Variants in SLC6A8 observed in about 807,000 individuals in gnomAD.
SLC6A8 encodes the protein solute carrier family 6 member 8.
A neutral mutation model predicts 48.3 loss-of-function variants in SLC6A8; 6 were observed. The ratio of observed to expected loss-of-function variants is 0.12; its 90% CI spans 0.07 to 0.25. The LOEUF (loss-of-function observed/expected upper bound fraction) is 0.25, where lower values mean the gene tolerates loss of function less well. SLC6A8 is among the 10% of genes least tolerant of loss of function. The pLI, the probability that SLC6A8 is intolerant of heterozygous loss-of-function variation, is 1.00. For synonymous variants in SLC6A8, 245 were observed against 244.0 expected (o/e 1.00, Z -0.04); for missense variants, 260 against 551.5 (o/e 0.47, Z 5.29).
intron 2 of SLC6A8, chrX:153,690,901 C>CG (rs1173504615): frequency 1.0e-4 from 25 of 241,004 alleles, no homozygotes; most frequent in Admixed American, 5.2e-4. Context: ...AACCCCCCCC[C>CG]CCCACCACCA....
At chrX:153,690,793 C>G in intron 2 of SLC6A8, 2 of 343,024 alleles carry the variant, frequency 5.8e-6, no homozygotes, top group Non-Finnish European at 1.0e-5. Context: ...CCTACTGTTA[C>G]TATCCCCAAG....
Position 153,696,265 on chromosome X carries a change from G to A in SLC6A8, c.*1051G>A. The A allele has an allele frequency of 3.3e-6, 1 of 299,690 alleles. No individual in the cohort carries two copies. The allele number at this position is 299,690 out of a possible 1,213,427, so 24.7% of individuals were successfully genotyped here. On this transcript the variant is annotated 3_prime_UTR_variant, in exon 13 of 13. Coordinates refer to ENST00000253122, the MANE Select transcript of SLC6A8 (RefSeq NM_005629.4). ...GAGGCTGCAATATTCCGTCCTGGGTGTCTGGGCTGCTAACCTGGCCTGCTC... is the reference window on the plus strand; with the variant it reads ...GAGGCTGCAATATTCCGTCCTGGGTATCTGGGCTGCTAACCTGGCCTGCTC...
chrX:153,691,255 G>A (rs2091454595), intron 2 of SLC6A8, 49 bp from the exon 3 acceptor site: 2 of 1,161,789 alleles, frequency 1.7e-6, no homozygotes, highest in Non-Finnish European at 2.3e-6. Flanking sequence ...GGGTGGCAGG[G>A]GGAGGTGGCC....
chrX:153,696,475 C>T lies in SLC6A8; in HGVS notation c.*1261C>T. The T allele has an allele frequency of 3.0e-6, 1 of 331,834 alleles. No individual in the cohort carries two copies. The highest frequency in any genetic ancestry group is 5.9e-6 in the Non-Finnish European group (1 of 170,066). 27.3% of individuals were successfully genotyped at this position (331,834 alleles called of 1,213,427 possible). A position where few individuals can be genotyped will look rare whatever the true frequency, so the allele number is the denominator to read the frequency against. On this transcript the variant is annotated 3_prime_UTR_variant, in exon 13 of 13. Coordinates refer to ENST00000253122, the MANE Select transcript of SLC6A8 (RefSeq NM_005629.4). ...GACCCCAAGAAAGGCTTCCCCGACA[C>T]CCAGACAGAGGCTGCAGGGCTGGGG...
At chrX:153,690,667 T>C in intron 2 of SLC6A8, 161 bp downstream of exon 2, 1 of 595,319 alleles carries the variant, frequency 1.7e-6, no homozygotes, top group Non-Finnish European at 2.7e-6. Context: ...CACAGCGAAC[T>C]TGGGGAAGCG....
At chrX:153,690,900 C>CCA (rs1557044315) in intron 2 of SLC6A8, 3 of 240,271 alleles carry the variant, frequency 1.2e-5, no homozygotes, top group African/African-American at 3.4e-5. Context: ...AAACCCCCCC[C>CCA]CCCCACCACC....
In SLC6A8 at chrX:153,693,522, C is replaced by T. The variant is rs782477560; in HGVS notation, c.1077C>T (p.Val359=). The T allele has an allele frequency of 1.7e-6, 2 of 1,210,385 alleles. No individual in the cohort carries two copies. Among genetic ancestry groups the T allele is most frequent in the East Asian group, 5.9e-5 (2 of 33,839 alleles). Residue 359 remains valine, a synonymous_variant, in exon 7 of 13, where the codon GTC becomes GTT. Transcript: ENST00000253122. The stretch of plus-strand genomic sequence containing the variant: ...CCAGCTTCTTTGCTGGCTTCGTGGT[C>T]TTCTCCATCCTGGGCTTCATGGCTG... ...SGTSFFAGFV[V]FSILGFMAAE... is the part of the protein sequence containing the mutation.
rs371905179 is a variant in SLC6A8, at chrX:153,693,376, G to T, written c.1016+10G>T. The T allele has an allele frequency of 5.8e-6, 7 of 1,204,239 alleles. No individual in the cohort carries two copies. The African/African-American group carries it at 1.2e-4, about 21-fold the overall frequency. ...ACAACAACTGCTACAAGTAAGCACCGCCGCCCTGCCACCCGTGCCCTGTCC... is the reference window on the plus strand; with the variant it reads ...ACAACAACTGCTACAAGTAAGCACCTCCGCCCTGCCACCCGTGCCCTGTCC... On this transcript the variant is annotated intron_variant, in intron 6 of 12. Coordinates refer to ENST00000253122, the MANE Select transcript of SLC6A8 (RefSeq NM_005629.4).
chrX:153,691,889 G>C (rs1460822933), intron 3 of SLC6A8, 86 bp from the exon 4 acceptor site: 22 of 1,057,641 alleles, frequency 2.1e-5, no homozygotes, highest in African/African-American at 3.7e-5. Context: ...CTGTGGGAGA[G>C]AAGGGAGCCA....
chrX:153,694,754 G>C lies in SLC6A8; in HGVS notation c.1632G>C (p.Pro544=), dbSNP rs782393373. The change falls in exon 12 of 13, where the codon CCG becomes CCC. Residue 544 remains proline, a synonymous_variant. Transcript: ENST00000253122. ...TCTTCAACGTTGTGTACTACGAGCC[G>C]CTGGTCTACAACAACACCTACGTGT... ...IFIFNVVYYE[P]LVYNNTYVYP... 3 of 1,209,750 alleles carry C rather than the reference G, an allele frequency of 2.5e-6. No homozygotes were observed. The highest frequency in any genetic ancestry group is 3.4e-6 in the Non-Finnish European group (3 of 894,978).
intron 1 of SLC6A8, among the ~76,000 whole-genome samples, chrX:153,689,800 G>A (rs1603213936): frequency 8.9e-6 from 1 of 111,786 alleles, no homozygotes; most frequent in Non-Finnish European, 1.9e-5. Flanking sequence ...CCCTGGCCTT[G>A]CTAAGGCCGG....
intron 2 of SLC6A8, chrX:153,690,828 G>C (rs1249037821): frequency 6.8e-6 from 2 of 293,482 alleles, no homozygotes; most frequent in Non-Finnish European, 1.2e-5. Context: ...GACAGGTGGA[G>C]CGACGTACTG....
rs782234897 is a variant in SLC6A8, at chrX:153,690,328, G to C, written c.263-47G>C. On this transcript the variant is annotated intron_variant, in intron 1 of 12. Coordinates refer to ENST00000253122, the MANE Select transcript of SLC6A8 (RefSeq NM_005629.4). ...TGGGCTGGCCCGCTGGGCCTGGGCAGCCTGGCTGGGGGCCACCCTGAGTCC... is the reference window on the plus strand; with the variant it reads ...TGGGCTGGCCCGCTGGGCCTGGGCACCCTGGCTGGGGGCCACCCTGAGTCC... 5 of 1,173,001 alleles carry C rather than the reference G, an allele frequency of 4.3e-6. No homozygotes were observed. The Admixed American group carries it at 9.8e-5, about 23-fold the overall frequency.
chrX:153,693,811 C>T (rs1235919572), intron 7 of SLC6A8, 94 bp from the exon 8 acceptor site: 17 of 840,729 alleles, frequency 2.0e-5, no homozygotes, highest in Admixed American at 1.0e-4. Context: ...CTGAGGCAGG[C>T]GTGGGCATGG....
At chrX:153,693,820 G>C in intron 7 of SLC6A8, 85 bp from the exon 8 acceptor site, 1 of 872,016 alleles carries the variant, frequency 1.1e-6, no homozygotes, top group Non-Finnish European at 1.7e-6. Flanking sequence ...GCGTGGGCAT[G>C]GGCGCGAGTG....
rs1557043713 is a variant in SLC6A8, at chrX:153,688,580, G to A, written c.6G>A (p.Ala2=). The part of the protein sequence containing the change: M[A]KKSAENGIYS... ...CCGTGCGGCCCGCCGAGGCCATGGCGAAGAAGAGCGCCGAGAACGGCATCT... is the reference window on the plus strand; with the variant it reads ...CCGTGCGGCCCGCCGAGGCCATGGCAAAGAAGAGCGCCGAGAACGGCATCT... The change falls in exon 1 of 13, where the codon GCG becomes GCA. Residue 2 remains alanine (A), a synonymous_variant. Transcript: ENST00000253122. 4.8e-6 allele frequency: 5 copies of A among 1,032,024 alleles called. No homozygotes were observed. The highest frequency in any genetic ancestry group is 5.0e-6 in the Non-Finnish European group (4 of 800,498). The allele number at this position is 1,032,024 out of a possible 1,213,427, so 85.1% of individuals were successfully genotyped here.
intron 4 of SLC6A8, chrX:153,692,660 G>A: frequency 5.7e-6 from 2 of 349,410 alleles, no homozygotes; most frequent in Non-Finnish European, 1.1e-5. Context: ...TCCAGAAGAG[G>A]AGGGGGACCC....
At position 153,688,666 on chromosome X, in the gene SLC6A8, C is replaced by G. The variant is rs868950793; in HGVS notation, c.92C>G (p.Pro31Arg). The G allele has an allele frequency of 1.8e-5, 19 of 1,077,205 alleles. No individual in the cohort carries two copies. Among genetic ancestry groups the G allele is most frequent in the Non-Finnish European group, 2.2e-5 (18 of 827,446 alleles). 88.8% of individuals were successfully genotyped at this position (1,077,205 alleles called of 1,213,427 possible). A position where few individuals can be genotyped will look rare whatever the true frequency, so the allele number is the denominator to read the frequency against. Reference protein sequence around the residue: ...PLIAPGPDGAPAKGDGPVGLG... With the variant: ...PLIAPGPDGARAKGDGPVGLG... ...ATCGCGCCCGGGCCCGACGGGGCCC[C>G]GGCCAAGGGCGACGGCCCCGTGGGC... Residue 31 changes from proline to arginine, a missense_variant, in exon 1 of 13, where the codon CCG becomes CGG. Coordinates refer to ENST00000253122, the MANE Select transcript of SLC6A8 (RefSeq NM_005629.4).
chrX:153,695,061 T>C lies in SLC6A8; in HGVS notation c.1768-13T>C, dbSNP rs1252539867. On this transcript the variant is annotated splice_polypyrimidine_tract_variant and intron_variant, in intron 12 of 12. Transcript: ENST00000253122. ...TGACCCTGGGGGCTTCAGCATGTCC[T>C]CCTCTCCTGCAGCGCTGGCAGCACC... 1 of 1,196,127 alleles carries C rather than the reference T, an allele frequency of 8.4e-7. No homozygotes were observed. The highest frequency in any genetic ancestry group is 1.8e-5 in the African/African-American group (1 of 57,056).
Sources: allele counts gnomAD v4.1 joint callset (sites outside exome capture counted in the v4.1 genomes callset), GRCh38; gene constraint gnomAD v4.1.1; transcripts MANE v1.5; gene names NCBI Gene and HGNC (gene_info 2026-07-23, HGNC 2026-07-21).